MRTFA: variants seen among roughly 807,000 people sequenced by gnomAD.
The protein encoded by MRTFA is myocardin-related transcription factor A.
Under a neutral mutation model 83.5 loss-of-function variants are expected in MRTFA, and 20 were observed. That is an observed-to-expected ratio of 0.24 (90% CI 0.17 to 0.35). The LOEUF is 0.35. Among genes scored for constraint, MRTFA ranks in the 10% least tolerant of loss-of-function variants. The pLI is 1.00. For synonymous variants in MRTFA, 659 were observed against 541.2 expected, an observed-to-expected ratio of 1.22 and a Z score of -3.02; for missense variants, 1,200 against 1,224.7, an observed-to-expected ratio of 0.98 and a Z score of 0.30.
At chr22:40,469,632 A>G (rs1023943867) in intron 3 of MRTFA, among the ~76,000 whole-genome samples, 4 of 152,218 alleles carry the variant, frequency 2.6e-5, no homozygotes, top group Non-Finnish European at 5.9e-5. Flanking sequence ...ACAAACATAT[A>G]GAACACTCCA....
At chr22:40,548,931 TTGTA>T (rs2147307908) in intron 3 of MRTFA, among the ~76,000 whole-genome samples, 1 of 152,202 alleles carries the variant, frequency 6.6e-6, no homozygotes, top group African/African-American at 2.4e-5. Context: ...AAACTAATAT[TTGTA>T]TGACTTTTCT....
chr22:40,601,107 G>A (rs17002036), intron 1 of MRTFA, among the ~76,000 whole-genome samples: 12,400 of 152,210 alleles, frequency 0.081, 750 homozygotes, highest in East Asian at 0.25. Context: ...AGCATCTCCT[G>A]TTTGACCATT....
At chr22:40,624,014 A>C (rs981569342) in intron 1 of MRTFA, among the ~76,000 whole-genome samples, 1 of 152,202 alleles carries the variant, frequency 6.6e-6, no homozygotes, top group East Asian at 1.9e-4. Flanking sequence ...TGAAGCAGGA[A>C]GATCACCTGA....
At chr22:40,559,249 G>A (rs1411320418) in intron 2 of MRTFA, among the ~76,000 whole-genome samples, 1 of 152,184 alleles carries the variant, frequency 6.6e-6, no homozygotes, top group Non-Finnish European at 1.5e-5. Context: ...AGTTAGGCAT[G>A]GTGGTGTGCG....
chr22:40,603,914 CT>C (rs2056288556), intron 1 of MRTFA, among the ~76,000 whole-genome samples: 1 of 151,864 alleles, frequency 6.6e-6, no homozygotes, highest in Non-Finnish European at 1.5e-5. Context: ...CACCCAGCCC[CT>C]GAATACTGTT....
chr22:40,560,246 T>C (rs2055593406), intron 2 of MRTFA, among the ~76,000 whole-genome samples: 1 of 152,230 alleles, frequency 6.6e-6, no homozygotes, highest in Non-Finnish European at 1.5e-5. Flanking sequence ...TTGTATATGT[T>C]TGATAACATT....
intron 2 of MRTFA, among the ~76,000 whole-genome samples, chr22:40,581,886 T>C (rs1318854637): frequency 2.0e-5 from 3 of 152,174 alleles, no homozygotes; most frequent in Non-Finnish European, 4.4e-5. Context: ...TACAGATAAT[T>C]TGGTCTTACT....
intron 3 of MRTFA, among the ~76,000 whole-genome samples, chr22:40,498,275 T>TATA (rs2054394871): frequency 1.1e-4 from 5 of 45,628 alleles, no homozygotes; most frequent in South Asian, 1.1e-3. Context: ...ATATATATAT[T>TATA]TTTTTTTTTT....
rs149315767 is a variant in MRTFA, at chr22:40,624,562, C to A, written c.-84+11916G>T. On this transcript the variant is annotated intron_variant, in intron 1 of 14. Coordinates refer to ENST00000355630, the MANE Select transcript of MRTFA (RefSeq NM_020831.6). ...CTACTATCTCTAAACAGTAGGGAAA[C>A]CAAATAAGTACCCAGAAGAGGCAGG... Among the ~76,000 whole-genome samples the A allele has an allele frequency of 6.3e-3, 960 of 151,908 alleles. 9 individuals carry two copies. Among genetic ancestry groups the A allele is most frequent in the African/African-American group, 0.022 (918 of 41,394 alleles).
chr22:40,531,262 C>CTTT (rs397868211), intron 3 of MRTFA, among the ~76,000 whole-genome samples: 106 of 108,090 alleles, frequency 9.8e-4, no homozygotes, highest in Non-Finnish European at 1.5e-3. Flanking sequence ...TCATACCTGG[C>CTTT]TTTTTTTTTT....
chr22:40,516,134 T>G (rs527668058), intron 3 of MRTFA, among the ~76,000 whole-genome samples: 1 of 152,196 alleles, frequency 6.6e-6, no homozygotes, highest in East Asian at 1.9e-4. Flanking sequence ...AAGAAGTTTC[T>G]GGGCTAGGCA....
intron 3 of MRTFA, among the ~76,000 whole-genome samples, chr22:40,476,701 C>A (rs1355370715): frequency 6.6e-6 from 1 of 152,150 alleles, no homozygotes; most frequent in African/African-American, 2.4e-5. Context: ...GATCCACCCA[C>A]CGCGGCCTCC....
intron 4 of MRTFA, among the ~76,000 whole-genome samples, chr22:40,450,152 C>A: frequency 6.6e-6 from 1 of 152,176 alleles, no homozygotes. Flanking sequence ...GCACACTGTA[C>A]CCACTTTAGA....
At chr22:40,540,638 G>C (rs1277016262) in intron 3 of MRTFA, among the ~76,000 whole-genome samples, 1 of 151,982 alleles carries the variant, frequency 6.6e-6, no homozygotes, top group Non-Finnish European at 1.5e-5. Context: ...AAATTAGCCA[G>C]GCATGGTGGC....
chr22:40,520,706 C>A (rs568985269), intron 3 of MRTFA, among the ~76,000 whole-genome samples: 5 of 152,208 alleles, frequency 3.3e-5, no homozygotes, highest in African/African-American at 4.8e-5. Flanking sequence ...CACACAAGGC[C>A]AAGGTTCATT....
intron 3 of MRTFA, among the ~76,000 whole-genome samples, chr22:40,510,329 G>C (rs1237099413): frequency 6.6e-6 from 1 of 152,188 alleles, no homozygotes; most frequent in East Asian, 1.9e-4. Flanking sequence ...GTACATTTAA[G>C]CAACTTCTCG....
chr22:40,625,612 T>C (rs927675422), intron 1 of MRTFA, among the ~76,000 whole-genome samples: 8 of 152,200 alleles, frequency 5.3e-5, no homozygotes, highest in African/African-American at 1.9e-4. Flanking sequence ...ACCCTATCTC[T>C]ACTAAAAACA....
chr22:40,596,913 T>C (rs988473383), intron 1 of MRTFA, among the ~76,000 whole-genome samples: 3 of 149,440 alleles, frequency 2.0e-5, no homozygotes, highest in Non-Finnish European at 4.5e-5. Context: ...AGGTGGAGGT[T>C]GCAATGAGCC....
chr22:40,431,285 G>A (rs1471920340), intron 6 of MRTFA, 120 bp downstream of exon 6: 2 of 923,308 alleles, frequency 2.2e-6, no homozygotes, highest in Non-Finnish European at 3.5e-6. Flanking sequence ...TAAGGCTCTG[G>A]CTTACCCACT....
Sources: gnomAD v4.1 joint callset for allele counts (sites outside exome capture counted in the v4.1 genomes callset) on GRCh38, gnomAD v4.1.1 for gene constraint, MANE v1.5 for transcripts, NCBI Gene and HGNC (gene_info 2026-07-23, HGNC 2026-07-21) for gene names.